The following DAB1 variants were observed in gnomAD, a reference collection of about 807,000 sequenced individuals.
The protein encoded by DAB1 is disabled homolog 1.
A neutral mutation model predicts 64.6 loss-of-function variants in DAB1; 15 were observed. The ratio of observed to expected loss-of-function variants is 0.23; its 90% CI spans 0.16 to 0.36. The LOEUF is 0.36. DAB1 is among the 10% of genes least tolerant of loss of function. DAB1 has a pLI of 1.00. For synonymous variants in DAB1, 235 were observed against 251.9 expected (o/e 0.93, Z 0.64); for missense variants, 596 against 706.7 (o/e 0.84, Z 1.78).
chr1:57,683,111 A>G (rs1174148795), intron 6 of DAB1, among the ~76,000 whole-genome samples: 1 of 152,184 alleles, frequency 6.6e-6, no homozygotes, highest in Non-Finnish European at 1.5e-5. Flanking sequence ...AAGAGTGCCA[A>G]GCCAAGATCT....
intron 5 of DAB1, among the ~76,000 whole-genome samples, chr1:58,133,793 GA>G (rs2100701165): frequency 1.3e-5 from 2 of 152,328 alleles, no homozygotes; most frequent in South Asian, 4.2e-4. Context: ...AGGTATTGCA[GA>G]AGGACAGCCA....
intron 7 of DAB1, among the ~76,000 whole-genome samples, chr1:57,551,916 G>GC (rs1644918382): frequency 6.6e-6 from 1 of 152,170 alleles, no homozygotes; most frequent in Admixed American, 6.5e-5. Flanking sequence ...TCTAAGGCAG[G>GC]CTTTGGATGC....
chr1:58,020,608 T>C (rs191273101), intron 5 of DAB1, among the ~76,000 whole-genome samples: 16 of 152,172 alleles, frequency 1.1e-4, no homozygotes, highest in Non-Finnish European at 2.1e-4. Flanking sequence ...GTATAGCAGG[T>C]TCTGTAAAAA....
intron 1 of DAB1, among the ~76,000 whole-genome samples, chr1:57,367,304 G>A (rs1314817322): frequency 2.0e-5 from 3 of 151,706 alleles, no homozygotes; most frequent in Non-Finnish European, 4.4e-5. Context: ...CACACAAAAT[G>A]GTACTCTGAA....
intron 1 of DAB1, among the ~76,000 whole-genome samples, chr1:57,355,410 T>C (rs891025556): frequency 2.6e-5 from 4 of 151,792 alleles, no homozygotes; most frequent in African/African-American, 9.7e-5. Flanking sequence ...CCGTCCTTCC[T>C]TCCACATTTA....
At chr1:57,773,267 A>T (rs116159589) in intron 6 of DAB1, among the ~76,000 whole-genome samples, 269 of 152,080 alleles carry the variant, frequency 1.8e-3, no homozygotes, top group African/African-American at 6.3e-3. Flanking sequence ...GTGTATATAT[A>T]TATGTGTTTG....
chr1:56,997,727 G>A lies in DAB1; in HGVS notation c.*417C>T, dbSNP rs1645684172. The A allele has an allele frequency of 6.6e-6, 1 of 152,156 alleles. No individual in the cohort carries two copies. The highest frequency in any genetic ancestry group is 1.5e-5 in the Non-Finnish European group (1 of 68,044). 9.4% of individuals were successfully genotyped at this position (152,156 alleles called of 1,614,324 possible). On this transcript the variant is annotated 3_prime_UTR_variant, in exon 15 of 15. Coordinates refer to ENST00000371236, the MANE Select transcript of DAB1 (RefSeq NM_001365792.1). ...TCCAACCCTGTTGTAATCCTCTGAT[G>A]CCTGTCACTCCAAATTTGGTGTCTC...
intron 7 of DAB1, among the ~76,000 whole-genome samples, chr1:57,567,213 A>G (rs529215304): frequency 2.6e-5 from 4 of 152,330 alleles, no homozygotes; most frequent in Admixed American, 6.5e-5. Flanking sequence ...AAGGCCTTTG[A>G]CAACATTCAA....
At position 58,023,669 on chromosome 1, in the gene DAB1, A is replaced by G. The variant is rs372548122; in HGVS notation, n.387+126842T>C. ...TAGAAGTATAAGAATAATTTATGTA[A>G]GTCTCTTCCTACAAGTTTATTTTAA... On this transcript the variant is annotated intron_variant and non_coding_transcript_variant, in intron 5 of 20. Coordinates refer to the DAB1 transcript ENST00000485760. 4.6e-5 allele frequency among the ~76,000 whole-genome samples: 7 copies of G among 152,322 alleles called. 1 individual carries two copies. The East Asian group carries it at 1.2e-3, about 25-fold the overall frequency.
chr1:58,433,900 C>T (rs142600811), intron 3 of DAB1, among the ~76,000 whole-genome samples: 2 of 152,078 alleles, frequency 1.3e-5, no homozygotes, highest in East Asian at 1.9e-4. Context: ...AGGGAGTTAA[C>T]CACATGAATA....
At chr1:57,342,477 T>C (rs910035602) in intron 1 of DAB1, among the ~76,000 whole-genome samples, 10 of 152,210 alleles carry the variant, frequency 6.6e-5, no homozygotes, top group Non-Finnish European at 1.0e-4. Flanking sequence ...AAACGCTTGC[T>C]AAGGGAAAAA....
At chr1:57,236,914 G>A (rs1207031989) in intron 2 of DAB1, among the ~76,000 whole-genome samples, 1 of 152,186 alleles carries the variant, frequency 6.6e-6, no homozygotes, top group Non-Finnish European at 1.5e-5. Context: ...TGCTGATATG[G>A]TAGCCATTGG....
intron 1 of DAB1, among the ~76,000 whole-genome samples, chr1:58,541,293 C>CAAAAAAAAAAAAAAAAAAA (rs71043292): frequency 3.6e-5 from 1 of 27,562 alleles, no homozygotes; most frequent in Admixed American, 8.1e-4. Flanking sequence ...GACTCTGTCT[C>CAAAAAAAAAAAAAAAAAAA]AAAAAAAAAA....
intron 5 of DAB1, among the ~76,000 whole-genome samples, chr1:57,899,650 C>T (rs1480939316): frequency 6.6e-6 from 1 of 151,960 alleles, no homozygotes. Flanking sequence ...CATCAAACAA[C>T]AAGGATTCCT....
intron 4 of DAB1, among the ~76,000 whole-genome samples, chr1:58,342,275 G>A (rs934134880): frequency 6.6e-6 from 1 of 152,146 alleles, no homozygotes; most frequent in African/African-American, 2.4e-5. Flanking sequence ...CAGAACTCAG[G>A]TGGAATCTGG....
chr1:58,096,166 T>C (rs2100621584), intron 5 of DAB1, among the ~76,000 whole-genome samples: 1 of 152,344 alleles, frequency 6.6e-6, no homozygotes, highest in South Asian at 2.1e-4. Context: ...TTGAAGAGCT[T>C]TGTCCTTAAA....
chr1:57,150,368 A>G (rs1659542272), intron 2 of DAB1, among the ~76,000 whole-genome samples: 1 of 152,164 alleles, frequency 6.6e-6, no homozygotes, highest in Non-Finnish European at 1.5e-5. Flanking sequence ...CATTATTCTC[A>G]AAAGTATTCC....
Position 58,254,127 on chromosome 1 carries a change from A to T in DAB1, n.309+89225T>A, listed in dbSNP as rs147728651. ...CCACATTCACTTCAGATCCACACTCAAGGGGAAACATGCAATAAGATATTG... is the reference window on the plus strand; with the variant it reads ...CCACATTCACTTCAGATCCACACTCTAGGGGAAACATGCAATAAGATATTG... On this transcript the variant is annotated intron_variant and non_coding_transcript_variant, in intron 4 of 20. Coordinates refer to the DAB1 transcript ENST00000485760. Among the ~76,000 whole-genome samples, 337 of 152,306 alleles carry T rather than the reference A, an allele frequency of 2.2e-3. 3 individuals carry two copies. The highest frequency in any genetic ancestry group is 6.8e-3 in the Middle Eastern group (2 of 294).
intron 2 of DAB1, among the ~76,000 whole-genome samples, chr1:57,290,762 T>G (rs1457537630): frequency 6.6e-6 from 1 of 152,072 alleles, no homozygotes; most frequent in Non-Finnish European, 1.5e-5. Flanking sequence ...AAAAACTCAT[T>G]CCTGTGCAGA....
Sources: gnomAD v4.1 joint callset for allele counts (sites outside exome capture counted in the v4.1 genomes callset) on GRCh38, gnomAD v4.1.1 for gene constraint, MANE v1.5 for transcripts, NCBI Gene and HGNC (gene_info 2026-07-23, HGNC 2026-07-21) for gene names.